ARHGAP15: variants seen among roughly 807,000 people sequenced by gnomAD.
ARHGAP15 encodes the protein Rho GTPase activating protein 15.
In ARHGAP15, 51 loss-of-function variants were observed where a neutral mutation model predicts 63.7. The ratio of observed to expected loss-of-function variants is 0.80; its 90% confidence interval spans 0.64 to 1.01. ARHGAP15 has a LOEUF of 1.01. Among genes scored for constraint, ARHGAP15 ranks in the 50% least tolerant of loss-of-function variants. The pLI is 0.00. For missense variants in ARHGAP15, 560 were observed against 564.6 expected, an observed-to-expected ratio of 0.99 and a Z score of 0.08; for synonymous variants, 191 against 193.8, an observed-to-expected ratio of 0.99 and a Z score of 0.12.
At chr2:143,663,831 A>G (rs1035564460) in intron 12 of ARHGAP15, among the ~76,000 whole-genome samples, 16 of 152,166 alleles carry the variant, frequency 1.1e-4, no homozygotes, top group African/African-American at 3.9e-4. Context: ...GCCATTACAT[A>G]ATGGTAAAGG....
intron 13 of ARHGAP15, among the ~76,000 whole-genome samples, chr2:143,707,832 G>A (rs1684400550): frequency 6.6e-6 from 1 of 152,164 alleles, no homozygotes; most frequent in East Asian, 1.9e-4. Context: ...TGTGTTAAAT[G>A]TTAAATAAAA....
In ARHGAP15 at chr2:143,325,578, G is replaced by A. The variant is rs753441443; in HGVS notation, c.474+74978G>A. On this transcript the variant is annotated intron_variant, in intron 6 of 13. Transcript: ENST00000295095. ...ATTTGAAATTCAAGGAGGAAACCTC[G>A]TTTTTATTTTGGTTGTTCTCCTTTT... Among the ~76,000 whole-genome samples, 7 of 151,986 alleles carry A rather than the reference G, an allele frequency of 4.6e-5. No homozygotes were observed. The South Asian group carries it at 6.2e-4, about 13-fold the overall frequency.
At chr2:143,705,287 T>A (rs1684277236) in intron 13 of ARHGAP15, among the ~76,000 whole-genome samples, 1 of 152,160 alleles carries the variant, frequency 6.6e-6, no homozygotes, top group African/African-American at 2.4e-5. Context: ...TATTAGAGTG[T>A]TCCTTCTTGT....
At chr2:143,472,131 A>G (rs1013849312) in intron 8 of ARHGAP15, 2 of 152,212 alleles carry the variant, frequency 1.3e-5, no homozygotes, top group South Asian at 2.1e-4. Flanking sequence ...CATGGGATAT[A>G]CATCTGATGC....
In ARHGAP15 at chr2:143,519,304, C is replaced by A. The variant is rs776986852; in HGVS notation, c.865C>A (p.Arg289Ser). The A allele has an allele frequency of 6.2e-7, 1 of 1,613,092 alleles. No homozygotes were observed. The highest frequency in any genetic ancestry group is 1.7e-5 in the Admixed American group (1 of 59,988). The change falls in exon 10 of 14, where the codon CGT becomes AGT. Residue 289 changes from arginine (R) to serine (S), a missense_variant. Physicochemically the swap from Arg to Ser is moderately radical, Grantham distance 110. Transcript: ENST00000295095. Reference sequence around the variant, plus strand: ...CTCTCATCTGCACAAAGTGTGTGAACGTGAAAATTCCACAGTTCCGTGGTT... The same window carrying A: ...CTCTCATCTGCACAAAGTGTGTGAAAGTGAAAATTCCACAGTTCCGTGGTT... Reference protein sequence around the residue: ...FGSHLHKVCERENSTVPWFVK... With the variant: ...FGSHLHKVCESENSTVPWFVK...
chr2:143,267,918 T>C (rs961581533), intron 6 of ARHGAP15, among the ~76,000 whole-genome samples: 1 of 152,116 alleles, frequency 6.6e-6, no homozygotes, highest in Non-Finnish European at 1.5e-5. Flanking sequence ...AGTGATAATA[T>C]TAGAATGGAT....
chr2:143,541,325 T>G (rs1695040929), intron 10 of ARHGAP15, among the ~76,000 whole-genome samples: 1 of 152,192 alleles, frequency 6.6e-6, no homozygotes, highest in Admixed American at 6.5e-5. Flanking sequence ...GGTTCGAACT[T>G]CCTCCTTTAG....
intron 8 of ARHGAP15, among the ~76,000 whole-genome samples, chr2:143,454,493 A>C (rs1201292204): frequency 1.3e-5 from 2 of 152,070 alleles, no homozygotes; most frequent in African/African-American, 4.8e-5. Context: ...AAAGCTCCTC[A>C]TCTATTGAGC....
chr2:143,490,404 G>A (rs560500131), intron 9 of ARHGAP15, among the ~76,000 whole-genome samples: 12 of 152,302 alleles, frequency 7.9e-5, no homozygotes, highest in African/African-American at 2.9e-4. Context: ...CACGATGGGG[G>A]CAGGAAGGGC....
intron 10 of ARHGAP15, among the ~76,000 whole-genome samples, chr2:143,549,266 C>A (rs1695460410): frequency 6.6e-6 from 1 of 152,118 alleles, no homozygotes; most frequent in Non-Finnish European, 1.5e-5. Flanking sequence ...GTCTGATTCT[C>A]TTTCCTCAAA....
chr2:143,425,150 T>TGG (rs1164054566), intron 6 of ARHGAP15, among the ~76,000 whole-genome samples: 1 of 152,120 alleles, frequency 6.6e-6, no homozygotes, highest in Non-Finnish European at 1.5e-5. Flanking sequence ...CATTTTGTTT[T>TGG]GGGGAGTAAG....
intron 10 of ARHGAP15, among the ~76,000 whole-genome samples, chr2:143,541,803 C>A (rs1559039240): frequency 6.6e-6 from 1 of 152,238 alleles, no homozygotes; most frequent in Non-Finnish European, 1.5e-5. Context: ...GGATGCCTCC[C>A]AGCTAGGCTA....
intron 6 of ARHGAP15, among the ~76,000 whole-genome samples, chr2:143,308,266 C>A (rs1683270166): frequency 6.6e-6 from 1 of 152,004 alleles, no homozygotes; most frequent in Non-Finnish European, 1.5e-5. Context: ...TCATCTCATA[C>A]TCTATTAAAC....
At chr2:143,444,541 A>T (rs1690045650) in intron 8 of ARHGAP15, among the ~76,000 whole-genome samples, 1 of 152,214 alleles carries the variant, frequency 6.6e-6, no homozygotes, top group Non-Finnish European at 1.5e-5. Flanking sequence ...TTCTGTATAC[A>T]GGATTTATTT....
chr2:143,661,879 C>T (rs1681808847), intron 12 of ARHGAP15, among the ~76,000 whole-genome samples: 1 of 152,224 alleles, frequency 6.6e-6, no homozygotes, highest in African/African-American at 2.4e-5. Context: ...AAAAATGGCG[C>T]ACCACGAGAT....
At chr2:143,130,632 A>G (rs1398485510) in intron 1 of ARHGAP15, among the ~76,000 whole-genome samples, 1 of 152,160 alleles carries the variant, frequency 6.6e-6, no homozygotes, top group East Asian at 1.9e-4. Flanking sequence ...TAGGCATAGT[A>G]GTACACTCCA....
intron 11 of ARHGAP15, among the ~76,000 whole-genome samples, chr2:143,559,862 G>A (rs1242537064): frequency 6.6e-6 from 1 of 152,226 alleles, no homozygotes; most frequent in Non-Finnish European, 1.5e-5. Context: ...TGCAGTCTAA[G>A]CTGAAACATA....
chr2:143,764,702 A>AT (rs1189111644), intron 13 of ARHGAP15, among the ~76,000 whole-genome samples: 1 of 151,984 alleles, frequency 6.6e-6, no homozygotes, highest in African/African-American at 2.4e-5. Context: ...ATCTCCCTTG[A>AT]TTTTTAGCCT....
chr2:143,722,804 T>C (rs1685117691), intron 13 of ARHGAP15, among the ~76,000 whole-genome samples: 1 of 151,908 alleles, frequency 6.6e-6, no homozygotes, highest in African/African-American at 2.4e-5. Flanking sequence ...GCCTGTCCTG[T>C]GGCCAGAGGC....
Sources: allele counts gnomAD v4.1 joint callset (sites outside exome capture counted in the v4.1 genomes callset), GRCh38; gene constraint gnomAD v4.1.1; transcripts MANE v1.5; gene names NCBI Gene and HGNC (gene_info 2026-07-23, HGNC 2026-07-21).